Variants in PPARGC1A observed in about 807,000 individuals in gnomAD.
PPARGC1A encodes the protein PPARG coactivator 1 alpha, also known as peroxisome proliferator-activated receptor gamma coactivator 1-alpha.
In PPARGC1A, 25 loss-of-function variants were observed where a neutral mutation model predicts 88.7. The ratio of observed to expected loss-of-function variants is 0.28; its 90% CI spans 0.21 to 0.39. The LOEUF (loss-of-function observed/expected upper bound fraction) is 0.39. Among genes scored for constraint, PPARGC1A ranks in the 10% least tolerant of loss-of-function variants. The pLI, the probability that PPARGC1A is intolerant of heterozygous loss-of-function variation, is 1.00. For synonymous variants in PPARGC1A, 363 were observed against 355.6 expected (o/e 1.02, Z -0.24); for missense variants, 880 against 968.7 (o/e 0.91, Z 1.22).
At chr4:24,403,023 T>C in the PPARGC1A span, among the ~76,000 whole-genome samples, 2 of 152,200 alleles carry the variant, frequency 1.3e-5, no homozygotes, top group Non-Finnish European at 2.9e-5. Flanking sequence ...TGCTGTAAAG[T>C]AAAATTTGAA....
chr4:24,204,334 T>C, the PPARGC1A span, among the ~76,000 whole-genome samples: 1 of 152,350 alleles, frequency 6.6e-6, no homozygotes, highest in East Asian at 1.9e-4. Context: ...ACCACTGGAA[T>C]ATAGGTTCTT....
the PPARGC1A span, among the ~76,000 whole-genome samples, chr4:24,168,146 T>C: frequency 6.6e-6 from 1 of 152,234 alleles, no homozygotes; most frequent in African/African-American, 2.4e-5. Context: ...AAATAACTTT[T>C]ATATGCACTA....
the PPARGC1A span, among the ~76,000 whole-genome samples, chr4:23,923,121 T>G: frequency 0.033 from 2,167 of 64,860 alleles, 16 homozygotes; most frequent in African/African-American, 0.066. Flanking sequence ...TGCTTGTTTT[T>G]TTTTTTTTTT....
chr4:24,387,813 A>AAAGGAAGG, the PPARGC1A span, among the ~76,000 whole-genome samples: 1 of 113,100 alleles, frequency 8.8e-6, no homozygotes, highest in African/African-American at 2.9e-5. Flanking sequence ...AGAAAGAAAG[A>AAAGGAAGG]AAGAAAGAAA....
At chr4:24,272,253 A>T in the PPARGC1A span, among the ~76,000 whole-genome samples, 2 of 152,190 alleles carry the variant, frequency 1.3e-5, no homozygotes, top group African/African-American at 4.8e-5. Flanking sequence ...TTTAATTCAT[A>T]GTACCTTAGG....
chr4:23,974,091 G>C, the PPARGC1A span, among the ~76,000 whole-genome samples: 2 of 152,030 alleles, frequency 1.3e-5, no homozygotes, highest in African/African-American at 4.8e-5. Context: ...AGTAGAGAAC[G>C]GGCCCAAGTA....
chr4:23,827,190 G>C (rs577958754), intron 5 of PPARGC1A, among the ~76,000 whole-genome samples: 1 of 152,154 alleles, frequency 6.6e-6, no homozygotes, highest in Non-Finnish European at 1.5e-5. Context: ...CAGTGGATTT[G>C]AGATATCTAC....
At chr4:23,968,781 G>A in the PPARGC1A span, among the ~76,000 whole-genome samples, 1 of 152,102 alleles carries the variant, frequency 6.6e-6, no homozygotes, top group South Asian at 2.1e-4. Flanking sequence ...TGGGTGTGGT[G>A]GTGGGTGCCC....
the PPARGC1A span, among the ~76,000 whole-genome samples, chr4:24,273,182 A>G: frequency 6.6e-6 from 1 of 152,240 alleles, no homozygotes; most frequent in Non-Finnish European, 1.5e-5. Flanking sequence ...TTCAAAGTGT[A>G]AAGTGGGAGA....
chr4:24,228,486 CT>C, the PPARGC1A span, among the ~76,000 whole-genome samples: 1 of 152,086 alleles, frequency 6.6e-6, no homozygotes, highest in Non-Finnish European at 1.5e-5. Flanking sequence ...ACACTGAGGA[CT>C]ATCAGGGTGG....
chr4:23,953,000 C>T, the PPARGC1A span, among the ~76,000 whole-genome samples: 1 of 152,042 alleles, frequency 6.6e-6, no homozygotes, highest in Non-Finnish European at 1.5e-5. Context: ...TACAACCTTC[C>T]TTTCTTCCCC....
chr4:24,184,177 A>T, the PPARGC1A span, among the ~76,000 whole-genome samples: 300 of 152,310 alleles, frequency 2.0e-3, 2 homozygotes, highest in African/African-American at 7.0e-3. Flanking sequence ...TAGTAACAGA[A>T]CATAATAACA....
intron 12 of PPARGC1A, 143 bp downstream of exon 12, chr4:23,801,587 G>A (rs756069891): frequency 2.0e-5 from 19 of 949,322 alleles, no homozygotes; most frequent in East Asian, 1.6e-4. Flanking sequence ...TGTCTTATAC[G>A]TTTTTCTTAA....
chr4:24,410,227 T>G, the PPARGC1A span, among the ~76,000 whole-genome samples: 2 of 152,190 alleles, frequency 1.3e-5, no homozygotes, highest in East Asian at 3.8e-4. Flanking sequence ...CAATGGCTCA[T>G]AGTTTTGTAA....
chr4:24,383,834 T>G, the PPARGC1A span, among the ~76,000 whole-genome samples: 1 of 152,120 alleles, frequency 6.6e-6, no homozygotes. Flanking sequence ...CTTCCCAAAC[T>G]AGCAAGACAA....
the PPARGC1A span, among the ~76,000 whole-genome samples, chr4:24,199,234 C>T: frequency 6.6e-6 from 1 of 152,216 alleles, no homozygotes; most frequent in Non-Finnish European, 1.5e-5. Flanking sequence ...TTAGCTTATT[C>T]ATTTGTTTAC....
the PPARGC1A span, among the ~76,000 whole-genome samples, chr4:24,342,270 T>A: frequency 4.6e-5 from 7 of 152,194 alleles, no homozygotes; most frequent in African/African-American, 1.7e-4. Flanking sequence ...CATTGGCTAA[T>A]TCAAGTTTCA....
At chr4:24,041,120 G>A in the PPARGC1A span, among the ~76,000 whole-genome samples, 1 of 152,138 alleles carries the variant, frequency 6.6e-6, no homozygotes, top group African/African-American at 2.4e-5. Flanking sequence ...TGCTCTTCCA[G>A]ATCTATGCTT....
chr4:23,935,923 TATATAAA>T, the PPARGC1A span, among the ~76,000 whole-genome samples: 2 of 152,170 alleles, frequency 1.3e-5, no homozygotes, highest in Non-Finnish European at 2.9e-5. Flanking sequence ...GTTGAGCCTA[TATATAAA>T]CAGCCTATAC....
Sources: allele counts gnomAD v4.1 joint callset (sites outside exome capture counted in the v4.1 genomes callset), GRCh38; gene constraint gnomAD v4.1.1; transcripts MANE v1.5; gene names NCBI Gene and HGNC (gene_info 2026-07-23, HGNC 2026-07-21).